The following ACBD5 variants were observed in gnomAD, a reference collection of about 807,000 sequenced individuals.
ACBD5 encodes acyl-CoA-binding domain-containing protein 5.
In ACBD5, 40 loss-of-function variants were observed where a neutral mutation model predicts 71.8. The ratio of observed to expected loss-of-function variants is 0.56; its 90% confidence interval spans 0.43 to 0.72. The LOEUF (loss-of-function observed/expected upper bound fraction) is 0.72. Among genes scored for constraint, ACBD5 ranks in the 30% least tolerant of loss-of-function variants. The pLI, the probability that ACBD5 is intolerant of heterozygous loss-of-function variation, is 0.00. For synonymous variants in ACBD5, 229 were observed against 218.6 expected, an observed-to-expected ratio of 1.05 and a Z score of -0.42; for missense variants, 559 against 644.5, an observed-to-expected ratio of 0.87 and a Z score of 1.44.
intron 9 of ACBD5, among the ~76,000 whole-genome samples, chr10:27,209,489 AT>A (rs1312284224): frequency 6.6e-6 from 1 of 151,966 alleles, no homozygotes; most frequent in Non-Finnish European, 1.5e-5. Flanking sequence ...CGCCCGGCTA[AT>A]TTTTGTATTT....
At chr10:27,240,828 C>T, upstream of ACBD5, 1 of 1,317,804 alleles carries the variant, frequency 7.6e-7, no homozygotes, top group African/African-American at 1.5e-5. This position sits in a 1 kb window ranked among gnomAD's most constrained non-coding sequence, Gnocchi z 4.1. Flanking sequence ...CAGCCCCGCC[C>T]CAGAGTCACC....
intron 13 of ACBD5, among the ~76,000 whole-genome samples, chr10:27,190,009 G>T (rs1033857237): frequency 6.6e-6 from 1 of 152,016 alleles, no homozygotes; most frequent in Non-Finnish European, 1.5e-5. Context: ...TTTAGGCTGG[G>T]CATGGTGGCT....
At chr10:27,187,885 G>A (rs907352635) in intron 13 of ACBD5, among the ~76,000 whole-genome samples, 1 of 152,096 alleles carries the variant, frequency 6.6e-6, no homozygotes. Context: ...AACATTATCA[G>A]AAACAGATTG....
intron 10 of ACBD5, among the ~76,000 whole-genome samples, chr10:27,207,459 T>C (rs2060587766): frequency 6.6e-6 from 1 of 152,182 alleles, no homozygotes; most frequent in African/African-American, 2.4e-5. Context: ...TCACAATTAA[T>C]GTATTTATCT....
intron 9 of ACBD5, among the ~76,000 whole-genome samples, chr10:27,210,567 G>T (rs1400504212): frequency 6.6e-6 from 1 of 152,162 alleles, no homozygotes; most frequent in Non-Finnish European, 1.5e-5. Flanking sequence ...AGACCAGCCT[G>T]GCCAACATGG....
At position 27,196,071 on chromosome 10, in the gene ACBD5, G is replaced by A. The variant is rs1464091494; in HGVS notation, c.*1359C>T. ...TACAAAATTAGCCAGGCATGGTGGT[G>A]CATGCCTGTAATCCCAGCTACTTGG... On this transcript the variant is annotated 3_prime_UTR_variant, in exon 13 of 13. Transcript: ENST00000396271. 6.9e-6 allele frequency: 3 copies of A among 432,578 alleles called. No homozygotes were observed. Among genetic ancestry groups the A allele is most frequent in the South Asian group, 3.3e-5 (2 of 60,704 alleles). The allele number at this position is 432,578 out of a possible 1,614,324, so 26.8% of individuals were successfully genotyped here. A position where few individuals can be genotyped will look rare whatever the true frequency, so the allele number is the denominator to read the frequency against.
chr10:27,240,850 T>C (rs2065415983), upstream of ACBD5: 1 of 1,098,730 alleles, frequency 9.1e-7, no homozygotes, highest in Admixed American at 2.2e-5. The surrounding 1 kb of genome is among the most constrained non-coding windows in gnomAD (Gnocchi z 4.1). Flanking sequence ...GAGGACCCAC[T>C]GGCGCCGCCG....
intron 10 of ACBD5, among the ~76,000 whole-genome samples, chr10:27,205,624 G>A (rs115972514): frequency 2.0e-3 from 297 of 151,666 alleles, no homozygotes; most frequent in Middle Eastern, 6.8e-3. Context: ...TTTGAGACAC[G>A]ATCTTGGCTC....
chr10:27,224,246 G>T (rs1374096950), intron 4 of ACBD5, among the ~76,000 whole-genome samples: 1 of 151,734 alleles, frequency 6.6e-6, no homozygotes, highest in African/African-American at 2.4e-5. Context: ...ACATGGCGGT[G>T]CACGCCTGTA....
At chr10:27,216,792 T>C (rs1476028751) in intron 7 of ACBD5, among the ~76,000 whole-genome samples, 1 of 152,128 alleles carries the variant, frequency 6.6e-6, no homozygotes, top group East Asian at 1.9e-4. Flanking sequence ...GAAAACTACC[T>C]ACCAAGCAGG....
At chr10:27,208,121 C>A in intron 10 of ACBD5, 125 bp downstream of exon 10, 2 of 1,004,712 alleles carry the variant, frequency 2.0e-6, no homozygotes, top group Non-Finnish European at 3.1e-6. Context: ...ATTTTCAAAA[C>A]CAAGTTCTAT....
chr10:27,198,686 G>C (rs2059603474), intron 12 of ACBD5, among the ~76,000 whole-genome samples: 1 of 152,156 alleles, frequency 6.6e-6, no homozygotes, highest in African/African-American at 2.4e-5. Flanking sequence ...GAGAGATGTG[G>C]GTTGTAAAGA....
chr10:27,223,754 A>G (rs540811607), intron 4 of ACBD5, among the ~76,000 whole-genome samples: 6 of 152,072 alleles, frequency 3.9e-5, no homozygotes, highest in African/African-American at 1.4e-4. Context: ...AAATTTTTTA[A>G]AAAACATTAA....
At chr10:27,213,869 C>G (rs1255642838) in intron 8 of ACBD5, among the ~76,000 whole-genome samples, 8 of 152,122 alleles carry the variant, frequency 5.3e-5, no homozygotes, top group Admixed American at 5.2e-4. Context: ...TCAGCACTCC[C>G]ATGTTTATTG....
Position 27,228,808 on chromosome 10 carries a change from T to G in ACBD5, c.375+2940A>C, listed in dbSNP as rs868168568. Among the ~76,000 whole-genome samples, 32 of 5,230 alleles carry G rather than the reference T, an allele frequency of 6.1e-3. 1 individual carries two copies. Among genetic ancestry groups the G allele is most frequent in the African/African-American group, 0.011 (30 of 2,726 alleles). The allele number at this position is 5,230 out of a possible 152,430, so 3.4% of individuals were successfully genotyped here. A position where few individuals can be genotyped will look rare whatever the true frequency, so the allele number is the denominator to read the frequency against. On this transcript the variant is annotated intron_variant, in intron 4 of 12. Transcript: ENST00000396271. Reference sequence around the variant, plus strand: ...TATTATGTTTATATATATATATATATATATATATTTTTTTTTTTTTTTTTT... The same window carrying G: ...TATTATGTTTATATATATATATATAGATATATATTTTTTTTTTTTTTTTTT...
At chr10:27,200,295 C>T (rs914253810) in intron 12 of ACBD5, among the ~76,000 whole-genome samples, 7 of 152,148 alleles carry the variant, frequency 4.6e-5, no homozygotes, top group Non-Finnish European at 7.3e-5. Context: ...CTCCCACCAG[C>T]GCCATGACAG....
intron 2 of ACBD5, among the ~76,000 whole-genome samples, chr10:27,238,217 T>A (rs1361584093): frequency 1.3e-5 from 2 of 150,762 alleles, no homozygotes; most frequent in Non-Finnish European, 3.0e-5. Flanking sequence ...CGCCTCAGCA[T>A]CAGCCTGCCT....
At chr10:27,230,292 A>T (rs2780670) in intron 4 of ACBD5, among the ~76,000 whole-genome samples, 2 of 151,338 alleles carry the variant, frequency 1.3e-5, no homozygotes, top group Admixed American at 1.3e-4. Context: ...ACTATGAGCA[A>T]TGTAGAAGAA....
downstream of ACBD5, among the ~76,000 whole-genome samples, chr10:27,194,327 A>AG (rs2059211119): frequency 6.7e-6 from 1 of 150,078 alleles, no homozygotes; most frequent in Non-Finnish European, 1.5e-5. Context: ...ATGGTTGATT[A>AG]GGGCTGGGTG....
Sources: gnomAD v4.1 joint callset for allele counts (sites outside exome capture counted in the v4.1 genomes callset) on GRCh38, gnomAD v4.1.1 for gene constraint, Gnocchi (gnomAD v3.1) non-coding constraint, MANE v1.5 for transcripts, NCBI Gene and HGNC (gene_info 2026-07-23, HGNC 2026-07-21) for gene names.